Variants in RABGAP1L observed in about 807,000 individuals in gnomAD.
The protein encoded by RABGAP1L is rab GTPase-activating protein 1-like.
In RABGAP1L, 63 loss-of-function variants were observed where a neutral mutation model predicts 137.7. The observed-to-expected ratio is 0.46, with a 90% CI of 0.37 to 0.56. RABGAP1L has a LOEUF of 0.56. Ranked by LOEUF, RABGAP1L falls within the 20% of genes least tolerant of loss-of-function variation. The pLI is 0.00. For missense variants in RABGAP1L, 1,095 were observed against 1,244.0 expected, an observed-to-expected ratio of 0.88 and a Z score of 1.80; for synonymous variants, 431 against 433.7, an observed-to-expected ratio of 0.99 and a Z score of 0.08.
intron 18 of RABGAP1L, among the ~76,000 whole-genome samples, chr1:174,783,900 G>A (rs1687236645): frequency 6.7e-6 from 1 of 150,320 alleles, no homozygotes; most frequent in African/African-American, 2.4e-5. Context: ...ACTAGAGAAG[G>A]GGTTTCACCA....
At chr1:174,562,881 CATT>C (rs1200459425) in intron 13 of RABGAP1L, among the ~76,000 whole-genome samples, 1 of 152,072 alleles carries the variant, frequency 6.6e-6, no homozygotes, top group Non-Finnish European at 1.5e-5. Flanking sequence ...AGAGGGATAA[CATT>C]AGGAGAAATA....
chr1:174,917,818 A>G (rs1174395822), intron 19 of RABGAP1L, among the ~76,000 whole-genome samples: 11 of 151,978 alleles, frequency 7.2e-5, no homozygotes, highest in African/African-American at 2.7e-4. Context: ...CCGTGATCCC[A>G]GCTATGCAGG....
intron 13 of RABGAP1L, among the ~76,000 whole-genome samples, chr1:174,486,650 C>T (rs1288469153): frequency 1.3e-5 from 2 of 151,934 alleles, no homozygotes; most frequent in Admixed American, 6.6e-5. Flanking sequence ...CCGGCCTCTG[C>T]TCTGATCTTT....
At chr1:174,981,917 G>A (rs1170802342) in intron 23 of RABGAP1L, among the ~76,000 whole-genome samples, 5 of 151,972 alleles carry the variant, frequency 3.3e-5, no homozygotes, top group Admixed American at 3.3e-4. Context: ...GATTGCTATA[G>A]CACAGCACTT....
In RABGAP1L at chr1:174,368,789, C is replaced by A. The variant is rs568758024; in HGVS notation, c.1466-2190C>A. ...ATTATAGGTAGTCAGATTTTTAAAT[C>A]TTTTTAATGGTAACTTGATTTTGTT... On this transcript the variant is annotated intron_variant, in intron 11 of 25. Coordinates refer to ENST00000681986, the MANE Select transcript of RABGAP1L (RefSeq NM_001366446.1). Among the ~76,000 whole-genome samples the A allele has an allele frequency of 1.6e-3, 242 of 151,956 alleles. 1 individual carries two copies. The highest frequency in any genetic ancestry group is 5.6e-3 in the African/African-American group (232 of 41,452).
intron 19 of RABGAP1L, among the ~76,000 whole-genome samples, chr1:174,912,465 A>G (rs978410072): frequency 1.3e-5 from 2 of 152,164 alleles, no homozygotes; most frequent in Non-Finnish European, 1.5e-5. Context: ...AAGTTTCAGT[A>G]TTCTCAGAAA....
intron 19 of RABGAP1L, among the ~76,000 whole-genome samples, chr1:174,851,895 G>A (rs1363703515): frequency 6.6e-6 from 1 of 151,976 alleles, no homozygotes; most frequent in Admixed American, 6.6e-5. Context: ...GGATTTAAAT[G>A]GTCATGAGAG....
At chr1:174,568,666 A>C (rs1171322221) in intron 13 of RABGAP1L, among the ~76,000 whole-genome samples, 1 of 152,122 alleles carries the variant, frequency 6.6e-6, no homozygotes, top group Non-Finnish European at 1.5e-5. Context: ...GATGCCACTA[A>C]AGTTTTATTT....
At position 174,891,962 on chromosome 1, in the gene RABGAP1L, CA is replaced by C. The variant is rs537373803; in HGVS notation, c.2341-65492del. ...ACTACTCTGAGGTAATCTCCCTATC[CA>C]AATAATTCCTGTTGTCTATAAAACA... On this transcript the variant is annotated intron_variant, in intron 19 of 25. Transcript: ENST00000681986. 7.8e-4 allele frequency among the ~76,000 whole-genome samples: 100 copies of C among 127,780 alleles called. 1 individual carries two copies. The South Asian group carries it at 0.022, about 28-fold the overall frequency. 83.8% of individuals were successfully genotyped at this position (127,780 alleles called of 152,430 possible).
intron 13 of RABGAP1L, among the ~76,000 whole-genome samples, chr1:174,529,605 T>C (rs1277649313): frequency 1.3e-5 from 2 of 152,100 alleles, no homozygotes; most frequent in Non-Finnish European, 2.9e-5. Flanking sequence ...CACGTCTAGG[T>C]GGGCCAATAC....
At chr1:174,894,180 T>A (rs1656749668) in intron 19 of RABGAP1L, among the ~76,000 whole-genome samples, 1 of 152,230 alleles carries the variant, frequency 6.6e-6, no homozygotes, top group Non-Finnish European at 1.5e-5. Context: ...CTCTAAATAG[T>A]TAACATTTAA....
chr1:174,185,134 T>C (rs1305614204), intron 1 of RABGAP1L, among the ~76,000 whole-genome samples: 3 of 152,218 alleles, frequency 2.0e-5, no homozygotes, highest in African/African-American at 7.2e-5. Flanking sequence ...CTGGGAGAGA[T>C]CTGTCAGTGC....
At chr1:174,689,151 T>C (rs894613273) in intron 15 of RABGAP1L, among the ~76,000 whole-genome samples, 1 of 152,040 alleles carries the variant, frequency 6.6e-6, no homozygotes, top group East Asian at 1.9e-4. Context: ...TTTTTCTGTT[T>C]GTTGTATTTC....
chr1:174,192,045 CTGAA>C (rs893722014), intron 1 of RABGAP1L, among the ~76,000 whole-genome samples: 25 of 152,112 alleles, frequency 1.6e-4, no homozygotes, highest in Admixed American at 1.4e-3. Context: ...GAGTATTAGA[CTGAA>C]TGGTCTAAAA....
At chr1:174,743,198 A>T (rs959928324) in intron 17 of RABGAP1L, among the ~76,000 whole-genome samples, 1 of 152,152 alleles carries the variant, frequency 6.6e-6, no homozygotes, top group Non-Finnish European at 1.5e-5. Context: ...CAGGGAAGAG[A>T]TATAGCAATA....
intron 13 of RABGAP1L, among the ~76,000 whole-genome samples, chr1:174,620,718 A>T (rs1325207783): frequency 6.6e-6 from 1 of 152,216 alleles, no homozygotes; most frequent in African/African-American, 2.4e-5. Flanking sequence ...CATCACAATT[A>T]AAAGAACTAG....
At chr1:174,872,093 G>A (rs1431929561) in intron 19 of RABGAP1L, among the ~76,000 whole-genome samples, 1 of 151,940 alleles carries the variant, frequency 6.6e-6, no homozygotes, top group Non-Finnish European at 1.5e-5. Flanking sequence ...CAGCATACCT[G>A]TTAAGCAAGT....
intron 13 of RABGAP1L, among the ~76,000 whole-genome samples, chr1:174,474,606 T>C (rs1658296882): frequency 2.0e-5 from 3 of 152,062 alleles, no homozygotes; most frequent in Non-Finnish European, 4.4e-5. Flanking sequence ...ATTATTATTA[T>C]TATTATTATT....
intron 13 of RABGAP1L, among the ~76,000 whole-genome samples, chr1:174,527,575 T>C (rs1417967193): frequency 6.6e-6 from 1 of 152,200 alleles, no homozygotes; most frequent in African/African-American, 2.4e-5. Flanking sequence ...TCATGGATAA[T>C]GTTCCATGTG....
Sources: allele counts gnomAD v4.1 joint callset (sites outside exome capture counted in the v4.1 genomes callset), GRCh38; gene constraint gnomAD v4.1.1; transcripts MANE v1.5; gene names NCBI Gene and HGNC (gene_info 2026-07-23, HGNC 2026-07-21).